Variants in KLRG1 observed in about 807,000 individuals in gnomAD.
KLRG1 encodes the protein killer cell lectin-like receptor subfamily G member 1.
In KLRG1, 16 loss-of-function variants were observed where a neutral mutation model predicts 21.8. That is an observed-to-expected ratio of 0.73 (90% CI 0.50 to 1.11). KLRG1 has a LOEUF of 1.11. Ranked by LOEUF, KLRG1 falls within the 50% of genes most tolerant of loss-of-function variation. The pLI is 0.00. For missense variants in KLRG1, 173 were observed against 218.3 expected (o/e 0.79, Z 1.31); for synonymous variants, 69 against 75.9 (o/e 0.91, Z 0.47).
At chr12:9,067,734 C>G in the KLRG1 span, 1 of 1,158,860 alleles carries the variant, frequency 8.6e-7, no homozygotes, top group Middle Eastern at 1.9e-4. Context: ...AGTGTTTATT[C>G]ATCAAGTCTT....
chr12:9,029,247 C>T, the KLRG1 span, among the ~76,000 whole-genome samples: 2 of 152,116 alleles, frequency 1.3e-5, no homozygotes, highest in Non-Finnish European at 2.9e-5. Context: ...TGGAGTTTCA[C>T]TCTTGTTGCC....
the KLRG1 span, among the ~76,000 whole-genome samples, chr12:9,030,891 G>A: frequency 1.3e-5 from 2 of 152,128 alleles, no homozygotes; most frequent in Non-Finnish European, 2.9e-5. Flanking sequence ...GAGGAGTGGG[G>A]ATGTTCTATG....
chr12:9,127,811 C>A, the KLRG1 span: 1 of 224,338 alleles, frequency 4.5e-6, no homozygotes, highest in Non-Finnish European at 9.2e-6. Context: ...AAGGTGCGGG[C>A]TCTGGAGGAG....
the KLRG1 span, among the ~76,000 whole-genome samples, chr12:9,034,802 A>G: frequency 1.2e-4 from 19 of 152,204 alleles, no homozygotes; most frequent in African/African-American, 4.6e-4. Context: ...CCATTAAAAA[A>G]TTTGTTAATT....
the KLRG1 span, among the ~76,000 whole-genome samples, chr12:9,194,625 C>T: frequency 6.6e-6 from 1 of 152,064 alleles, no homozygotes; most frequent in East Asian, 1.9e-4. Context: ...CCACCCCGCC[C>T]AGCTAATTTT....
At chr12:8,974,899 TC>T (rs1946632182) in intron 1 of KLRG1, among the ~76,000 whole-genome samples, 1 of 127,796 alleles carries the variant, frequency 7.8e-6, no homozygotes, top group African/African-American at 2.5e-5. Context: ...TTCTTCTTCT[TC>T]TTCTTCTTTT....
At chr12:9,003,054 C>T (rs961314858) in intron 3 of KLRG1, among the ~76,000 whole-genome samples, 5 of 151,888 alleles carry the variant, frequency 3.3e-5, no homozygotes, top group Admixed American at 2.6e-4. Context: ...TTTCAATATC[C>T]AGCCTCACCA....
At chr12:9,132,675 G>A in the KLRG1 span, among the ~76,000 whole-genome samples, 1 of 125,954 alleles carries the variant, frequency 7.9e-6, no homozygotes, top group Admixed American at 7.9e-5. Flanking sequence ...AGTGGGAAGA[G>A]TGAGAAAAAA....
chr12:9,099,597 A>C, the KLRG1 span: 2 of 1,491,772 alleles, frequency 1.3e-6, no homozygotes, highest in Non-Finnish European at 9.0e-7. Flanking sequence ...TAACAGACAT[A>C]ATAAACAGTA....
chr12:9,150,273 T>C, the KLRG1 span, among the ~76,000 whole-genome samples: 1 of 152,180 alleles, frequency 6.6e-6, no homozygotes, highest in East Asian at 1.9e-4. Context: ...AGTTTTTGTT[T>C]TGTTTTGTGT....
chr12:9,059,974 T>A, the KLRG1 span, among the ~76,000 whole-genome samples: 1 of 148,392 alleles, frequency 6.7e-6, no homozygotes, highest in Non-Finnish European at 1.5e-5. Flanking sequence ...TGTGAGCCAC[T>A]GTGCCCAGCC....
chr12:9,026,676 T>C, the KLRG1 span, among the ~76,000 whole-genome samples: 186 of 152,286 alleles, frequency 1.2e-3, no homozygotes, highest in African/African-American at 3.8e-3. Context: ...AGGGTTTTTT[T>C]CTTTTTTTCT....
At chr12:9,037,558 A>G in the KLRG1 span, among the ~76,000 whole-genome samples, 1 of 152,348 alleles carries the variant, frequency 6.6e-6, no homozygotes, top group Admixed American at 6.5e-5. Flanking sequence ...TAGCTTGAGT[A>G]TACAGTGTGT....
the KLRG1 span, among the ~76,000 whole-genome samples, chr12:9,130,958 A>G: frequency 3.9e-5 from 6 of 152,156 alleles, no homozygotes; most frequent in East Asian, 1.9e-4. Flanking sequence ...TTAATATATT[A>G]TAAGTTAAAT....
downstream of KLRG1, among the ~76,000 whole-genome samples, chr12:9,013,085 G>A (rs1480167261): frequency 6.6e-6 from 1 of 152,198 alleles, no homozygotes; most frequent in Admixed American, 6.5e-5. Context: ...AAATTCTCCT[G>A]TATCATACCC....
At chr12:9,117,169 T>C in the KLRG1 span, among the ~76,000 whole-genome samples, 8 of 152,158 alleles carry the variant, frequency 5.3e-5, no homozygotes, top group African/African-American at 1.7e-4. Flanking sequence ...AAATGAAAAC[T>C]ATTTGGTATG....
chr12:9,192,059 A>G, the KLRG1 span: 1 of 709,236 alleles, frequency 1.4e-6, no homozygotes, highest in African/African-American at 1.8e-5. Flanking sequence ...AAGAGTCATA[A>G]GACGAGTATT....
chr12:9,106,401 C>T, the KLRG1 span: 3 of 1,457,000 alleles, frequency 2.1e-6, no homozygotes, highest in Admixed American at 1.8e-5. Flanking sequence ...CTCTAAAATT[C>T]TATCACCTCC....
chr12:9,194,287 G>T, the KLRG1 span: 2 of 1,565,496 alleles, frequency 1.3e-6, no homozygotes, highest in African/African-American at 1.4e-5. Context: ...ACCCAGAGAG[G>T]ACTGAACTCA....
Sources: gnomAD v4.1 joint callset for allele counts (sites outside exome capture counted in the v4.1 genomes callset) on GRCh38, gnomAD v4.1.1 for gene constraint, MANE v1.5 for transcripts, NCBI Gene and HGNC (gene_info 2026-07-23, HGNC 2026-07-21) for gene names.